ARHGAP29: variants seen among roughly 807,000 people sequenced by gnomAD.
ARHGAP29 encodes the protein rho GTPase-activating protein 29.
Under a neutral mutation model 122.6 loss-of-function variants are expected in ARHGAP29, and 43 were observed. The observed-to-expected ratio is 0.35, with a 90% CI of 0.27 to 0.45. The LOEUF is 0.45. Ranked by LOEUF, ARHGAP29 falls within the 20% of genes least tolerant of loss-of-function variation. The pLI is 1.00. For synonymous variants in ARHGAP29, 506 were observed against 497.1 expected (o/e 1.02, Z -0.24); for missense variants, 1,303 against 1,477.2 (o/e 0.88, Z 1.93).
chr1:94,189,219 T>C lies in ARHGAP29; in HGVS notation c.1573A>G (p.Thr525Ala). The change falls in exon 14 of 23, where the codon ACA becomes GCA. Residue 525 changes from threonine to alanine, a missense_variant. This residue lies in a region of ARHGAP29 where 592 missense variants were observed against 648.2 expected (regional missense o/e 0.91). Coordinates refer to ENST00000260526, the MANE Select transcript of ARHGAP29 (RefSeq NM_004815.4). ...EDRCSNSADITGPSFIRSWTF... is the reference protein window; with the variant it reads ...EDRCSNSADIAGPSFIRSWTF... ...TCTCTTTAGGGTGGAAAACTACCTG[T>C]TATATCTGCACTGTTAGAGCATCTG... 1 of 1,605,622 alleles carries C rather than the reference T, an allele frequency of 6.2e-7. No individual in the cohort carries two copies. Among genetic ancestry groups the C allele is most frequent in the East Asian group, 2.2e-5 (1 of 44,802 alleles).
chr1:94,225,054 A>G (rs867316466), intron 2 of ARHGAP29, among the ~76,000 whole-genome samples: 1 of 152,188 alleles, frequency 6.6e-6, no homozygotes, highest in African/African-American at 2.4e-5. Context: ...ACTTTTCTAT[A>G]TATTTGGGCA....
At chr1:94,207,229 G>A (rs541400850) in intron 5 of ARHGAP29, among the ~76,000 whole-genome samples, 12 of 151,844 alleles carry the variant, frequency 7.9e-5, no homozygotes, top group South Asian at 4.2e-4. Context: ...GGCTGGTCTC[G>A]AACTCCTGGC....
chr1:94,241,433 T>A (rs562193297), upstream of ARHGAP29, among the ~76,000 whole-genome samples: 331 of 151,968 alleles, frequency 2.2e-3, no homozygotes, highest in African/African-American at 7.8e-3. Context: ...TTGGCTAATA[T>A]GGTGAAACCC....
At position 94,231,486 on chromosome 1, in the gene ARHGAP29, C is replaced by T. The variant is rs368727340; in HGVS notation, c.126G>A (p.Pro42=). 40 of 1,613,520 alleles carry T rather than the reference C, an allele frequency of 2.5e-5. No individual in the cohort carries two copies. The highest frequency in any genetic ancestry group is 1.7e-5 in the Admixed American group (1 of 59,984). ...CATTCACCAACTCCTTGATGTAATC[C>T]GGATCAAAAATAGAGTTGGAACTTA... ...KSLSSNSIFD[P]DYIKELVNDI... Residue 42 remains proline (P), a synonymous_variant, in exon 2 of 23, where the codon CCG becomes CCA. Coordinates refer to ENST00000260526, the MANE Select transcript of ARHGAP29 (RefSeq NM_004815.4).
At chr1:94,240,817 T>G (rs1203347554), upstream of ARHGAP29, among the ~76,000 whole-genome samples, 1 of 152,242 alleles carries the variant, frequency 6.6e-6, no homozygotes. Flanking sequence ...TTCAAAATGT[T>G]TGTGGTACCA....
rs1648699904 is a variant in ARHGAP29 at position 94,170,945 on chromosome 1, A to G, written c.*2924T>C. Among the ~76,000 whole-genome samples, 3 of 152,196 alleles carry G rather than the reference A, an allele frequency of 2.0e-5. No individual in the cohort carries two copies. The highest frequency in any genetic ancestry group is 4.4e-5 in the Non-Finnish European group (3 of 68,036). On this transcript the variant is annotated 3_prime_UTR_variant, in exon 23 of 23. Transcript: ENST00000260526. Reference sequence around the variant, plus strand: ...ATATCTAGGAATACAACTGACTTACATACTGATTGTGAATGTAGCAAATTT... The same window carrying G: ...ATATCTAGGAATACAACTGACTTACGTACTGATTGTGAATGTAGCAAATTT...
At chr1:94,284,605 T>C in the ARHGAP29 span, among the ~76,000 whole-genome samples, 4 of 152,206 alleles carry the variant, frequency 2.6e-5, no homozygotes, top group African/African-American at 9.6e-5. Flanking sequence ...AAATCAGCAA[T>C]GTTCCAGATG....
At chr1:94,299,366 T>A in the ARHGAP29 span, among the ~76,000 whole-genome samples, 7,687 of 152,256 alleles carry the variant, frequency 0.05, 659 homozygotes, top group African/African-American at 0.18. Flanking sequence ...GCATTTGAAA[T>A]ACAAGGCTTT....
Position 94,231,649 on chromosome 1 carries a change from G to C in ARHGAP29, c.-32-6C>G, listed in dbSNP as rs781198407. 31 of 1,592,458 alleles carry C rather than the reference G, an allele frequency of 1.9e-5. No individual in the cohort carries two copies. The highest frequency in any genetic ancestry group is 3.4e-6 in the Non-Finnish European group (4 of 1,169,962). On this transcript the variant is annotated splice_polypyrimidine_tract_variant and splice_region_variant and intron_variant, in intron 1 of 22. Coordinates refer to ENST00000260526, the MANE Select transcript of ARHGAP29 (RefSeq NM_004815.4). ...CAGTCAGAAAAACTGAAATCCTTAA[G>C]GGGGCAAGAAACAAAACAAAAACAA... is the stretch of plus-strand genomic sequence containing the variant.
chr1:94,184,420 T>C (rs1176818379), intron 18 of ARHGAP29, 132 bp from the exon 19 acceptor site: 1 of 730,478 alleles, frequency 1.4e-6, no homozygotes, highest in Admixed American at 3.3e-5. Context: ...AGAAAAAAAC[T>C]ATTCAAGGCC....
chr1:94,257,514 C>A (rs955752495), intron 1 of ARHGAP29, among the ~76,000 whole-genome samples: 1 of 152,096 alleles, frequency 6.6e-6, no homozygotes, highest in Non-Finnish European at 1.5e-5. Flanking sequence ...TTGAGACCAG[C>A]CTGGGCAACA....
At chr1:94,208,324 A>T (rs949857549) in intron 5 of ARHGAP29, among the ~76,000 whole-genome samples, 1 of 152,218 alleles carries the variant, frequency 6.6e-6, no homozygotes, top group East Asian at 1.9e-4. Flanking sequence ...AATGATCAAC[A>T]TAAGTCCCTG....
Position 94,220,247 on chromosome 1 carries a change from A to G in ARHGAP29, c.340+11T>C. On this transcript the variant is annotated intron_variant, in intron 3 of 22. Transcript: ENST00000260526. ...GCCCACAGCAACCCACTTTTACTAT[A>G]TCTTCCTTACCTTTCACTTTTGCAG... The G allele has an allele frequency of 6.2e-7, 1 of 1,612,864 alleles. No individual in the cohort carries two copies. The highest frequency in any genetic ancestry group is 1.1e-5 in the South Asian group (1 of 90,916).
chr1:94,179,997 T>C (rs762866255), intron 19 of ARHGAP29, 40 bp from the exon 20 acceptor site: 1 of 1,415,538 alleles, frequency 7.1e-7, no homozygotes, highest in South Asian at 1.3e-5. Flanking sequence ...CATTCTATTT[T>C]TTTCTGTTAA....
chr1:94,197,907 G>C (rs1158286011), intron 12 of ARHGAP29, among the ~76,000 whole-genome samples: 1 of 152,172 alleles, frequency 6.6e-6, no homozygotes. Flanking sequence ...GAAAGACTGA[G>C]TGCTTTTCCC....
chr1:94,221,335 T>C (rs1352259973), intron 2 of ARHGAP29, among the ~76,000 whole-genome samples: 8 of 152,098 alleles, frequency 5.3e-5, no homozygotes, highest in Non-Finnish European at 7.4e-5. Flanking sequence ...TAATCTTCCT[T>C]TCTGTAAACT....
intron 18 of ARHGAP29, 123 bp from the exon 19 acceptor site, chr1:94,184,411 G>A: frequency 3.9e-6 from 3 of 773,874 alleles, no homozygotes; most frequent in South Asian, 4.6e-5. Flanking sequence ...TATTATTTTA[G>A]AAAAAAACTA....
chr1:94,211,314 G>A (rs1479368594), intron 3 of ARHGAP29, among the ~76,000 whole-genome samples: 579 of 41,414 alleles, frequency 0.014, no homozygotes, highest in Non-Finnish European at 0.024. Flanking sequence ...AAAAAAAAAA[G>A]GACATAACAA....
chr1:94,205,758 A>G (rs1373604416), intron 5 of ARHGAP29, 75 bp from the exon 6 acceptor site: 19 of 1,304,016 alleles, frequency 1.5e-5, no homozygotes, highest in Non-Finnish European at 2.0e-5. Flanking sequence ...TTTTGCCCCA[A>G]TTTGTTACTC....
Sources: gnomAD v4.1 joint callset for allele counts (sites outside exome capture counted in the v4.1 genomes callset) on GRCh38, gnomAD v4.1.1 for gene constraint, gnomAD v4.1.1 regional missense constraint, MANE v1.5 for transcripts, NCBI Gene and HGNC (gene_info 2026-07-23, HGNC 2026-07-21) for gene names.